The following VWA8 variants were observed in gnomAD, a reference collection of about 807,000 sequenced individuals.
VWA8 encodes the protein von Willebrand factor A domain-containing protein 8.
VWA8 carries 221 observed loss-of-function variants against 241.5 expected under a neutral mutation model. That is an observed-to-expected ratio of 0.91 (90% confidence interval 0.82 to 1.02). The LOEUF (loss-of-function observed/expected upper bound fraction) is 1.02. Ranked by LOEUF, VWA8 falls within the 50% of genes least tolerant of loss-of-function variation. VWA8 has a pLI of 0.00. For missense variants in VWA8, 2,322 were observed against 2,328.7 expected, an observed-to-expected ratio of 1.00 and a Z score of 0.06; for synonymous variants, 852 against 827.1, an observed-to-expected ratio of 1.03 and a Z score of -0.52.
intron 9 of VWA8, among the ~76,000 whole-genome samples, chr13:41,879,260 G>A (rs898035217): frequency 2.0e-5 from 3 of 151,868 alleles, no homozygotes; most frequent in African/African-American, 7.3e-5. Context: ...GACTCCTTGA[G>A]CCTATGAATT....
At chr13:41,794,741 G>T (rs1869613799) in intron 17 of VWA8, among the ~76,000 whole-genome samples, 1 of 152,076 alleles carries the variant, frequency 6.6e-6, no homozygotes, top group Non-Finnish European at 1.5e-5. Flanking sequence ...TCCAGATTTT[G>T]CCCATTCAGT....
At chr13:41,910,045 T>G (rs774368225) in intron 3 of VWA8, among the ~76,000 whole-genome samples, 11 of 152,198 alleles carry the variant, frequency 7.2e-5, no homozygotes, top group Non-Finnish European at 1.2e-4. Flanking sequence ...TTTTCTTATG[T>G]ATATCCACAG....
intron 40 of VWA8, among the ~76,000 whole-genome samples, chr13:41,593,713 G>A (rs1484092703): frequency 1.3e-5 from 2 of 152,130 alleles, no homozygotes; most frequent in Non-Finnish European, 2.9e-5. Context: ...ACAACTCTTG[G>A]AGGTACCAAG....
intron 42 of VWA8, among the ~76,000 whole-genome samples, chr13:41,580,753 C>T (rs1403018753): frequency 6.6e-6 from 1 of 152,212 alleles, no homozygotes; most frequent in Non-Finnish European, 1.5e-5. Context: ...TGGCTTTGCA[C>T]TGTAACGGTG....
At chr13:41,913,207 G>C (rs1023258460) in intron 2 of VWA8, among the ~76,000 whole-genome samples, 3 of 152,106 alleles carry the variant, frequency 2.0e-5, no homozygotes, top group African/African-American at 7.2e-5. Flanking sequence ...TTTAGAAATA[G>C]ATATATATGT....
At position 41,961,096 on chromosome 13, in the gene VWA8, G is replaced by C. The variant is rs1022008545; in HGVS notation, c.-81C>G. ...CGTGCAGGCACCGTGAGGCAGCGCG[G>C]AGAAGGGGACAGGAAGCGGCACCTA... On this transcript the variant is annotated 5_prime_UTR_variant, in exon 1 of 45. Coordinates refer to ENST00000379310, the MANE Select transcript of VWA8 (RefSeq NM_015058.2). The C allele has an allele frequency of 1.6e-6, 2 of 1,272,188 alleles. No homozygotes were observed. The highest frequency in any genetic ancestry group is 1.0e-6 in the Non-Finnish European group (1 of 988,452). The allele number at this position is 1,272,188 out of a possible 1,614,324, so 78.8% of individuals were successfully genotyped here. A position where few individuals can be genotyped will look rare whatever the true frequency, so the allele number is the denominator to read the frequency against.
chr13:41,576,570 G>T (rs1192197108), intron 42 of VWA8, among the ~76,000 whole-genome samples: 1 of 152,222 alleles, frequency 6.6e-6, no homozygotes, highest in Non-Finnish European at 1.5e-5. Flanking sequence ...GGGAAGATGA[G>T]TCCCATTATA....
At chr13:41,628,216 T>C (rs758833074) in intron 37 of VWA8, among the ~76,000 whole-genome samples, 3 of 152,004 alleles carry the variant, frequency 2.0e-5, no homozygotes, top group Non-Finnish European at 2.9e-5. Flanking sequence ...AAATAACAGA[T>C]GCCAGAGAGG....
intron 18 of VWA8, among the ~76,000 whole-genome samples, chr13:41,784,743 T>TACACACACAC (rs1869098979): frequency 3.2e-5 from 3 of 94,980 alleles, no homozygotes; most frequent in African/African-American, 1.1e-4. Context: ...CACACATATA[T>TACACACACAC]ATATATATAT....
intron 23 of VWA8, among the ~76,000 whole-genome samples, chr13:41,727,612 C>A (rs2045447282): frequency 6.6e-6 from 1 of 152,014 alleles, no homozygotes; most frequent in Non-Finnish European, 1.5e-5. Flanking sequence ...TTAAGCCTGG[C>A]TTGAGATGTT....
At chr13:41,591,457 A>G (rs2044454280) in intron 40 of VWA8, among the ~76,000 whole-genome samples, 1 of 152,230 alleles carries the variant, frequency 6.6e-6, no homozygotes, top group Non-Finnish European at 1.5e-5. Flanking sequence ...TACATTAATG[A>G]GTGGGAAGAA....
At chr13:41,899,680 T>C (rs929744862) in intron 4 of VWA8, among the ~76,000 whole-genome samples, 25 of 152,300 alleles carry the variant, frequency 1.6e-4, no homozygotes, top group Admixed American at 4.6e-4. Flanking sequence ...TCAAACTTTA[T>C]AAATATGACT....
At chr13:41,805,381 T>A (rs896747143) in intron 17 of VWA8, among the ~76,000 whole-genome samples, 16 of 152,208 alleles carry the variant, frequency 1.1e-4, no homozygotes, top group Admixed American at 6.5e-5. Flanking sequence ...CAATTTTAAA[T>A]ATATATGCAC....
At chr13:41,672,720 A>G (rs548553647) in intron 36 of VWA8, among the ~76,000 whole-genome samples, 1 of 152,320 alleles carries the variant, frequency 6.6e-6, no homozygotes, top group African/African-American at 2.4e-5. Context: ...ATGGGACCAT[A>G]TGTTCTGAGC....
At chr13:41,829,530 T>TACACACACACACAC (rs71096546) in intron 14 of VWA8, among the ~76,000 whole-genome samples, 4 of 139,720 alleles carry the variant, frequency 2.9e-5, no homozygotes, top group Non-Finnish European at 4.7e-5. Context: ...GGAAATGTGA[T>TACACACACACACAC]ACACACACAC....
chr13:41,762,417 G>A lies in VWA8; in HGVS notation c.2350-1213C>T, dbSNP rs113135325. Among the ~76,000 whole-genome samples the A allele has an allele frequency of 4.6e-3, 702 of 152,152 alleles. 6 individuals carry two copies. Among genetic ancestry groups the A allele is most frequent in the South Asian group, 0.016 (77 of 4,822 alleles). On this transcript the variant is annotated intron_variant, in intron 20 of 44. Transcript: ENST00000379310. ...CACATACAGGTAATTCTAGTGAAAC[G>A]AGGACTCACATCCAGGTAATTCTAG...
At chr13:41,952,514 A>G (rs1205595150) in intron 1 of VWA8, among the ~76,000 whole-genome samples, 1 of 152,234 alleles carries the variant, frequency 6.6e-6, no homozygotes, top group East Asian at 1.9e-4. Context: ...ATTTTCAAAT[A>G]GGATGTCTTT....
At chr13:41,831,809 G>A (rs970623701) in intron 13 of VWA8, among the ~76,000 whole-genome samples, 9 of 150,778 alleles carry the variant, frequency 6.0e-5, no homozygotes, top group South Asian at 2.1e-4. Flanking sequence ...TAATAGAGAC[G>A]GGGTTTCACC....
intron 37 of VWA8, among the ~76,000 whole-genome samples, chr13:41,666,562 G>C (rs1323461075): frequency 6.6e-6 from 1 of 152,128 alleles, no homozygotes; most frequent in Non-Finnish European, 1.5e-5. Flanking sequence ...TTTTCAAGCT[G>C]ATTGTTAACC....
Sources: gnomAD v4.1 joint callset for allele counts (sites outside exome capture counted in the v4.1 genomes callset) on GRCh38, gnomAD v4.1.1 for gene constraint, MANE v1.5 for transcripts, NCBI Gene and HGNC (gene_info 2026-07-23, HGNC 2026-07-21) for gene names.